ZC3H12B: variants seen among roughly 807,000 people sequenced by gnomAD.
ZC3H12B encodes the protein probable ribonuclease ZC3H12B.
A neutral mutation model predicts 43.9 loss-of-function variants in ZC3H12B; 7 were observed. The observed-to-expected ratio is 0.16, with a 90% CI of 0.09 to 0.30. The LOEUF is 0.30. Among genes scored for constraint, ZC3H12B ranks in the 10% least tolerant of loss-of-function variants. ZC3H12B has a pLI of 1.00. For missense variants in ZC3H12B, 475 were observed against 670.2 expected (o/e 0.71, Z 3.22); for synonymous variants, 222 against 241.7 (o/e 0.92, Z 0.76).
chrX:65,105,409 TTAAAG>T, the ZC3H12B span, among the ~76,000 whole-genome samples: 1 of 110,835 alleles, frequency 9.0e-6, no homozygotes, highest in African/African-American at 3.3e-5. Context: ...ATCCCAGAAC[TTAAAG>T]TAAAATTTAA....
chrX:65,472,908 T>TTA (rs1353454143), intron 3 of ZC3H12B, among the ~76,000 whole-genome samples: 20 of 82,967 alleles, frequency 2.4e-4, no homozygotes, highest in African/African-American at 1.1e-3. Context: ...ATATATATGT[T>TTA]TATATATATG....
intron 3 of ZC3H12B, among the ~76,000 whole-genome samples, chrX:65,441,686 C>T (rs775495172): frequency 1.8e-5 from 2 of 111,901 alleles, no homozygotes; most frequent in Admixed American, 9.5e-5. Flanking sequence ...CTAGACCTTC[C>T]TAAAAGTAAT....
chrX:65,163,390 A>C, the ZC3H12B span, among the ~76,000 whole-genome samples: 1 of 111,626 alleles, frequency 9.0e-6, no homozygotes, highest in South Asian at 3.7e-4. Context: ...CTACAGAAGC[A>C]GGCAGGCCTC....
the ZC3H12B span, among the ~76,000 whole-genome samples, chrX:65,173,358 C>G: frequency 8.9e-6 from 1 of 111,805 alleles, no homozygotes; most frequent in East Asian, 2.8e-4. Context: ...AACATCATGT[C>G]TTCTGCAAAC....
chrX:65,502,128 C>G (rs368700710), exon 5 of ZC3H12B: 4 of 1,209,799 alleles, frequency 3.3e-6, no homozygotes, highest in Non-Finnish European at 4.5e-6. Context: ...ATCCCACCCC[C>G]CAAAAGCCAT....
intron 3 of ZC3H12B, among the ~76,000 whole-genome samples, chrX:65,475,983 C>T (rs1351974407): frequency 1.8e-5 from 2 of 112,300 alleles, no homozygotes; most frequent in Admixed American, 1.9e-4. Flanking sequence ...TAGAGGAATC[C>T]ACTGATAGTC....
At chrX:65,068,990 T>C in the ZC3H12B span, among the ~76,000 whole-genome samples, 1 of 109,571 alleles carries the variant, frequency 9.1e-6, no homozygotes, top group African/African-American at 3.3e-5. Context: ...AGAAGTCTGC[T>C]GTCAGATGTA....
chrX:65,172,806 C>T, the ZC3H12B span, among the ~76,000 whole-genome samples: 6 of 112,112 alleles, frequency 5.4e-5, no homozygotes, highest in South Asian at 3.7e-4. Flanking sequence ...GTACGAGTAG[C>T]ATGCTGTTTT....
intron 3 of ZC3H12B, among the ~76,000 whole-genome samples, chrX:65,435,211 A>T (rs2067205882): frequency 8.9e-6 from 1 of 112,102 alleles, no homozygotes; most frequent in African/African-American, 3.2e-5. Context: ...CACACCTAGA[A>T]GCTGTTAGAT....
At chrX:65,229,322 G>A in the ZC3H12B span, among the ~76,000 whole-genome samples, 1 of 111,672 alleles carries the variant, frequency 9.0e-6, no homozygotes, top group Non-Finnish European at 1.9e-5. Flanking sequence ...GGGAAAACTG[G>A]CTAGTCACAT....
At chrX:65,035,077 G>C in the ZC3H12B span, among the ~76,000 whole-genome samples, 4 of 112,284 alleles carry the variant, frequency 3.6e-5, no homozygotes, top group South Asian at 7.3e-4. Flanking sequence ...GGTGAAGTTG[G>C]CGGCGCCACG....
At chrX:65,195,179 A>G in the ZC3H12B span, among the ~76,000 whole-genome samples, 2 of 109,893 alleles carry the variant, frequency 1.8e-5, no homozygotes, top group South Asian at 7.8e-4. Context: ...ATTGATGAGT[A>G]AGGGTTTACT....
At chrX:65,356,862 T>C in the ZC3H12B span, 60 of 322,394 alleles carry the variant, frequency 1.9e-4, no homozygotes, top group Admixed American at 3.9e-4. Context: ...GGAGGTCCAG[T>C]CGAAAGTGAG....
intron 3 of ZC3H12B, among the ~76,000 whole-genome samples, chrX:65,418,828 C>T (rs1363579445): frequency 9.0e-6 from 1 of 111,640 alleles, no homozygotes; most frequent in African/African-American, 3.3e-5. Context: ...AAGATGAGGG[C>T]TCCTTGGTGA....
chrX:65,379,606 A>G (rs1489225403), intron 2 of ZC3H12B, among the ~76,000 whole-genome samples: 1 of 112,817 alleles, frequency 8.9e-6, no homozygotes, highest in Non-Finnish European at 1.9e-5. Context: ...AGCTGGACAG[A>G]GAATGACTTT....
the ZC3H12B span, among the ~76,000 whole-genome samples, chrX:65,127,658 G>T: frequency 9.0e-6 from 1 of 111,010 alleles, no homozygotes; most frequent in Non-Finnish European, 1.9e-5. Context: ...GCAGGGATAG[G>T]TATGTCTCAG....
chrX:65,159,945 C>T, the ZC3H12B span, among the ~76,000 whole-genome samples: 2 of 111,741 alleles, frequency 1.8e-5, no homozygotes, highest in African/African-American at 3.3e-5. Context: ...CCATCAATAC[C>T]TAATTTATTG....
chrX:65,220,360 C>G, the ZC3H12B span, among the ~76,000 whole-genome samples: 7 of 111,817 alleles, frequency 6.3e-5, no homozygotes, highest in African/African-American at 2.3e-4. Flanking sequence ...CATCTCAATA[C>G]TAACATTGAA....
the ZC3H12B span, among the ~76,000 whole-genome samples, chrX:65,170,122 C>T: frequency 8.9e-6 from 1 of 111,873 alleles, no homozygotes; most frequent in Admixed American, 9.5e-5. Context: ...CAGTTTCTTC[C>T]TAGCACCAAT....
Sources: allele counts gnomAD v4.1 joint callset (sites outside exome capture counted in the v4.1 genomes callset), GRCh38; gene constraint gnomAD v4.1.1; transcripts MANE v1.5; gene names NCBI Gene and HGNC (gene_info 2026-07-23, HGNC 2026-07-21).